Variants in GDF5 observed in about 807,000 individuals in gnomAD.
GDF5 encodes the protein growth differentiation factor 5.
A neutral mutation model predicts 34.6 loss-of-function variants in GDF5; 17 were observed. The ratio of observed to expected loss-of-function variants is 0.49; its 90% CI spans 0.34 to 0.74. The LOEUF is 0.74. Among genes scored for constraint, GDF5 ranks in the 30% least tolerant of loss-of-function variants. The pLI is 0.01. For missense variants in GDF5, 616 were observed against 661.2 expected (o/e 0.93, Z 0.75); for synonymous variants, 332 against 290.7 (o/e 1.14, Z -1.44).
upstream of GDF5, chr20:35,441,454 CTTT>C (rs1215410831): frequency 2.6e-4 from 34 of 132,576 alleles, no homozygotes; most frequent in African/African-American, 5.1e-4. Context: ...TTAATGATAG[CTTT>C]TTTTTTTTTT....
chr20:35,451,141 T>A (rs939024305), intron 1 of GDF5, among the ~76,000 whole-genome samples: 4 of 145,116 alleles, frequency 2.8e-5, no homozygotes, highest in African/African-American at 1.0e-4. Flanking sequence ...AAATTTCACA[T>A]ACATATATAT....
rs1601069723 is a variant in GDF5 at position 35,433,797 on chromosome 20, A to C, written c.*112T>G. The C allele has an allele frequency of 1.1e-6, 1 of 917,670 alleles. No individual in the cohort carries two copies. The highest frequency in any genetic ancestry group is 2.2e-4 in the Middle Eastern group (1 of 4,630). The allele number at this position is 917,670 out of a possible 1,614,324, so 56.8% of individuals were successfully genotyped here. On this transcript the variant is annotated 3_prime_UTR_variant, in exon 2 of 2. Coordinates refer to ENST00000374369, the MANE Select transcript of GDF5 (RefSeq NM_000557.5). ...AGCAAGCTTATTGGAATCCCCTTTC[A>C]CCCAAGCTGTGTAGATGCTCCTGCC... is the stretch of plus-strand genomic sequence containing the variant.
chr20:35,437,183 C>T (rs1372264874), intron 1 of GDF5, 115 bp downstream of exon 1: 7 of 775,866 alleles, frequency 9.0e-6, no homozygotes, highest in Middle Eastern at 3.7e-4. Flanking sequence ...ACACCCACCC[C>T]GGGCCAGATG....
At chr20:35,451,560 G>GT (rs1043608924) in intron 1 of GDF5, among the ~76,000 whole-genome samples, 5 of 144,878 alleles carry the variant, frequency 3.5e-5, no homozygotes, top group East Asian at 2.0e-4. Context: ...TGCAGAATGC[G>GT]TTTTTTTTCT....
chr20:35,452,784 TG>T (rs2062538470), intron 1 of GDF5, among the ~76,000 whole-genome samples: 1 of 152,220 alleles, frequency 6.6e-6, no homozygotes, highest in Non-Finnish European at 1.5e-5. Context: ...CATTAAACTT[TG>T]TAACACTAGG....
At chr20:35,453,140 T>C (rs556735824) in intron 1 of GDF5, among the ~76,000 whole-genome samples, 8 of 152,136 alleles carry the variant, frequency 5.3e-5, no homozygotes, top group East Asian at 1.9e-4. Flanking sequence ...GTTCCAGCTA[T>C]TGGGGAGGCT....
At chr20:35,434,987 T>C (rs1442321243) in intron 1 of GDF5, 3 of 668,538 alleles carry the variant, frequency 4.5e-6, no homozygotes, top group Non-Finnish European at 5.6e-6. Flanking sequence ...CAAGTAGGGG[T>C]GTTCACCTGA....
intron 1 of GDF5, among the ~76,000 whole-genome samples, chr20:35,447,071 T>A (rs1231770381): frequency 6.6e-6 from 1 of 152,194 alleles, no homozygotes; most frequent in African/African-American, 2.4e-5. Context: ...TTTTTTATTA[T>A]ACTTTAAGTT....
chr20:35,445,422 T>G (rs911437498), intron 1 of GDF5, among the ~76,000 whole-genome samples: 5 of 151,950 alleles, frequency 3.3e-5, no homozygotes, highest in Non-Finnish European at 7.4e-5. Context: ...CCTAGCACTT[T>G]GGGAGGCAGA....
At chr20:35,437,251 A>C in intron 1 of GDF5, 47 bp downstream of exon 1, 1 of 1,318,516 alleles carries the variant, frequency 7.6e-7, no homozygotes, top group South Asian at 1.2e-5. Flanking sequence ...CCATTCATGC[A>C]GATGCCCCTC....
chr20:35,437,258 C>A, intron 1 of GDF5, 40 bp downstream of exon 1: 2 of 1,378,528 alleles, frequency 1.5e-6, no homozygotes, highest in East Asian at 2.3e-5. Context: ...TGCAGATGCC[C>A]CTCCCTCTGA....
Position 35,437,632 on chromosome 20 carries a change from G to C in GDF5, c.297C>G (p.Pro99=), listed in dbSNP as rs767477220. The change falls in exon 1 of 2, where the codon CCC becomes CCG. Residue 99 remains proline (P), a synonymous_variant. Coordinates refer to ENST00000374369, the MANE Select transcript of GDF5 (RefSeq NM_000557.5). ...PKKDEPKKLP[P]RPGGPEPKPG... The stretch of plus-strand genomic sequence containing the variant: ...GCTTGGGTTCAGGGCCGCCCGGTCT[G>C]GGGGGCAGCTTTTTGGGTTCATCCT... The C allele has an allele frequency of 8.1e-6, 13 of 1,614,050 alleles. No individual in the cohort carries two copies. Among genetic ancestry groups the C allele is most frequent in the Non-Finnish European group, 1.1e-5 (13 of 1,179,980 alleles).
At position 35,434,688 on chromosome 20, in the gene GDF5, G is replaced by T; in HGVS notation, c.727C>A (p.Arg243=). Residue 243 remains arginine (R), a synonymous_variant, in exon 2 of 2, where the codon CGG becomes AGG. Transcript: ENST00000374369. ...TTGGCCGTGTCCGAGGGCTTCTTCC[G>T]CAAGATCCGCAGCTCGGCCCCCAGC... ...GLLGAELRIL[R]KKPSDTAKPA... is the part of the protein sequence containing the mutation. The T allele has an allele frequency of 6.2e-7, 1 of 1,612,674 alleles. No individual in the cohort carries two copies. Among genetic ancestry groups the T allele is most frequent in the Non-Finnish European group, 8.5e-7 (1 of 1,179,604 alleles).
chr20:35,440,159 C>T (rs2062493363), upstream of GDF5, among the ~76,000 whole-genome samples: 1 of 151,226 alleles, frequency 6.6e-6, no homozygotes, highest in South Asian at 2.1e-4. Flanking sequence ...TCAAGTGATC[C>T]ACCCACCTTG....
chr20:35,440,914 C>G (rs573028497), upstream of GDF5, among the ~76,000 whole-genome samples: 1 of 152,272 alleles, frequency 6.6e-6, no homozygotes, highest in Admixed American at 6.5e-5. Context: ...CTAACTGGCC[C>G]TTATTGACAA....
Position 35,437,990 on chromosome 20 carries a change from T to C in GDF5, c.-62A>G. ...GCGGCAGCAGCGAAGGTGCCTCTGG[T>C]TTGGCAGGAAAAACCATGAAAGGAG... is the stretch of plus-strand genomic sequence containing the variant. On this transcript the variant is annotated 5_prime_UTR_variant, in exon 1 of 2. Coordinates refer to ENST00000374369, the MANE Select transcript of GDF5 (RefSeq NM_000557.5). The C allele has an allele frequency of 1.3e-6, 2 of 1,599,376 alleles. No individual in the cohort carries two copies. Among genetic ancestry groups the C allele is most frequent in the Non-Finnish European group, 1.7e-6 (2 of 1,171,540 alleles).
chr20:35,447,107 G>T (rs184010979), intron 1 of GDF5, among the ~76,000 whole-genome samples: 10 of 152,008 alleles, frequency 6.6e-5, no homozygotes, highest in Admixed American at 6.6e-4. Flanking sequence ...ACAATGTGAA[G>T]GTTTGTTACA....
intron 1 of GDF5, chr20:35,453,947 T>C (rs199996111): frequency 2.0e-4 from 107 of 534,574 alleles, no homozygotes; most frequent in Admixed American, 3.7e-4. Context: ...CAGCGCTTCC[T>C]AAAACGTGTT....
At chr20:35,451,582 CTTTT>C (rs750856510) in intron 1 of GDF5, among the ~76,000 whole-genome samples, 1 of 131,810 alleles carries the variant, frequency 7.6e-6, no homozygotes. Context: ...TTTTTTTTTC[CTTTT>C]TTTTTTTTTT....
Sources: gnomAD v4.1 joint callset for allele counts (sites outside exome capture counted in the v4.1 genomes callset) on GRCh38, gnomAD v4.1.1 for gene constraint, MANE v1.5 for transcripts, NCBI Gene and HGNC (gene_info 2026-07-23, HGNC 2026-07-21) for gene names.